ARNT2: variants seen among roughly 807,000 people sequenced by gnomAD.
The protein encoded by ARNT2 is ARNT protein 2.
ARNT2 carries 36 observed loss-of-function variants against 91.7 expected under a neutral mutation model. The observed-to-expected ratio is 0.39, with a 90% CI of 0.30 to 0.52. The LOEUF (loss-of-function observed/expected upper bound fraction) is 0.52. Among genes scored for constraint, ARNT2 ranks in the 20% least tolerant of loss-of-function variants. The pLI is 0.72. For synonymous variants in ARNT2, 365 were observed against 347.1 expected, an observed-to-expected ratio of 1.05 and a Z score of -0.57; for missense variants, 775 against 939.3, an observed-to-expected ratio of 0.83 and a Z score of 2.29.
intron 12 of ARNT2, among the ~76,000 whole-genome samples, chr15:80,568,509 G>A (rs1898527162): frequency 1.3e-5 from 2 of 152,204 alleles, no homozygotes; most frequent in Non-Finnish European, 2.9e-5. Context: ...CTCTCGAGCT[G>A]ACTCACCATC....
chr15:80,563,488 G>C (rs1898409032), intron 12 of ARNT2, among the ~76,000 whole-genome samples: 2 of 152,102 alleles, frequency 1.3e-5, no homozygotes, highest in South Asian at 4.2e-4. Flanking sequence ...CTTCCCTTCG[G>C]TGCAAGGTGC....
chr15:80,449,417 A>G (rs181663488), intron 1 of ARNT2, among the ~76,000 whole-genome samples: 2 of 152,306 alleles, frequency 1.3e-5, no homozygotes, highest in Admixed American at 1.3e-4. Context: ...AAGCAGGCAG[A>G]TGATAAAGTT....
At chr15:80,407,210 C>T (rs1895613690) in intron 1 of ARNT2, among the ~76,000 whole-genome samples, 1 of 152,212 alleles carries the variant, frequency 6.6e-6, no homozygotes, top group Admixed American at 6.5e-5. Context: ...AAGGCCACAG[C>T]CAGTCACCTC....
At chr15:80,483,023 C>G (rs1896912697) in intron 5 of ARNT2, among the ~76,000 whole-genome samples, 1 of 152,198 alleles carries the variant, frequency 6.6e-6, no homozygotes, top group Admixed American at 6.5e-5. Context: ...GTTGGGGAAT[C>G]TATGACTTTG....
In ARNT2 at chr15:80,435,770, A is replaced by G. The variant is rs1595960726; in HGVS notation, c.32-15110A>G. On this transcript the variant is annotated intron_variant, in intron 1 of 18. Coordinates refer to ENST00000303329, the MANE Select transcript of ARNT2 (RefSeq NM_014862.4). ...GCACCTGAATAATTGAGAACCTTGTATGTGCCTCTTAGGGCAGCACTCAGA... is the reference window on the plus strand; with the variant it reads ...GCACCTGAATAATTGAGAACCTTGTGTGTGCCTCTTAGGGCAGCACTCAGA... Among the ~76,000 whole-genome samples the G allele has an allele frequency of 5.3e-5, 8 of 152,316 alleles. No individual in the cohort carries two copies. The South Asian group carries it at 1.7e-3, about 32-fold the overall frequency.
intron 5 of ARNT2, among the ~76,000 whole-genome samples, chr15:80,482,496 A>G (rs1896905769): frequency 2.0e-5 from 3 of 152,172 alleles, no homozygotes; most frequent in Admixed American, 1.3e-4. Context: ...TCTCAGGGCC[A>G]CACACCTGAG....
At chr15:80,479,281 T>C (rs1022710660) in intron 5 of ARNT2, among the ~76,000 whole-genome samples, 3 of 152,196 alleles carry the variant, frequency 2.0e-5, no homozygotes, top group African/African-American at 4.8e-5. Flanking sequence ...ATGGTGGAGT[T>C]CTTTGTTGAA....
At chr15:80,501,407 A>G (rs1452680934) in intron 5 of ARNT2, among the ~76,000 whole-genome samples, 2 of 152,228 alleles carry the variant, frequency 1.3e-5, no homozygotes, top group Non-Finnish European at 2.9e-5. Flanking sequence ...CTGACCAGAA[A>G]CGCACCTAAA....
intron 12 of ARNT2, among the ~76,000 whole-genome samples, chr15:80,565,909 G>A (rs575764886): frequency 1.3e-5 from 2 of 152,030 alleles, no homozygotes; most frequent in African/African-American, 4.8e-5. Context: ...ATTAGATGAT[G>A]ACCTGCATTC....
chr15:80,462,933 T>TC (rs1344147866), intron 3 of ARNT2, among the ~76,000 whole-genome samples: 1 of 152,180 alleles, frequency 6.6e-6, no homozygotes, highest in Admixed American at 6.5e-5. Context: ...GTAGGCATTT[T>TC]CCCCCCTGGC....
intron 8 of ARNT2, among the ~76,000 whole-genome samples, chr15:80,540,381 A>C (rs1304688944): frequency 6.6e-6 from 1 of 152,058 alleles, no homozygotes; most frequent in South Asian, 2.1e-4. Context: ...CTCACTGTGG[A>C]ATTGATTTCT....
At chr15:80,423,715 G>A (rs1441088037) in intron 1 of ARNT2, among the ~76,000 whole-genome samples, 1 of 152,050 alleles carries the variant, frequency 6.6e-6, no homozygotes, top group Admixed American at 6.5e-5. Context: ...AATTTGTAGT[G>A]TGGTCAGTGA....
intron 1 of ARNT2, among the ~76,000 whole-genome samples, chr15:80,411,192 C>T (rs1421557380): frequency 2.0e-5 from 3 of 152,210 alleles, no homozygotes; most frequent in African/African-American, 7.2e-5. Context: ...TCTTCCAGGG[C>T]CCCATAAAGC....
At chr15:80,552,276 T>C (rs541069399) in intron 9 of ARNT2, among the ~76,000 whole-genome samples, 3 of 152,320 alleles carry the variant, frequency 2.0e-5, no homozygotes, top group African/African-American at 7.2e-5. Flanking sequence ...TTGCCATCCT[T>C]AGTAAAGGGA....
chr15:80,440,201 T>C (rs1404494939), intron 1 of ARNT2, among the ~76,000 whole-genome samples: 2 of 152,204 alleles, frequency 1.3e-5, no homozygotes. Context: ...CTTCTGATGG[T>C]CTGCGGCTTC....
chr15:80,549,858 G>A (rs765053228), intron 8 of ARNT2, among the ~76,000 whole-genome samples: 16 of 152,116 alleles, frequency 1.1e-4, no homozygotes, highest in Non-Finnish European at 1.9e-4. Flanking sequence ...GATCCACTCC[G>A]AAAACGCACT....
chr15:80,593,666 G>T lies in ARNT2; in HGVS notation c.2122G>T (p.Asp708Tyr). The change falls in exon 19 of 19, where the codon GAC becomes TAC. Residue 708 changes from aspartate to tyrosine, a missense_variant. Around this residue, in one of 5 missense-constraint regions of ARNT2, gnomAD observed 325 missense variants for 359.9 expected, o/e 0.90. Transcript: ENST00000303329. ...CAACTATAACATCGAAGACTTTGCCGACCTGGGCATGTTTCCACCGTTTTC... is the reference window on the plus strand; with the variant it reads ...CAACTATAACATCGAAGACTTTGCCTACCTGGGCATGTTTCCACCGTTTTC... ...TGNYNIEDFA[D>Y]LGMFPPFSE The T allele has an allele frequency of 1.9e-6, 3 of 1,606,552 alleles. No homozygotes were observed. Among genetic ancestry groups the T allele is most frequent in the Non-Finnish European group, 2.6e-6 (3 of 1,175,754 alleles).
At chr15:80,443,024 A>G (rs1238441306) in intron 1 of ARNT2, 2 of 985,210 alleles carry the variant, frequency 2.0e-6, no homozygotes, top group South Asian at 4.7e-5. Context: ...GGAGAAGTCC[A>G]GGTACAGTAA....
At chr15:80,408,764 T>A (rs1895640702) in intron 1 of ARNT2, among the ~76,000 whole-genome samples, 1 of 151,408 alleles carries the variant, frequency 6.6e-6, no homozygotes, top group Non-Finnish European at 1.5e-5. Context: ...TATGGACTTA[T>A]AAGAAAAAAA....
Sources: gnomAD v4.1 joint callset for allele counts (sites outside exome capture counted in the v4.1 genomes callset) on GRCh38, gnomAD v4.1.1 for gene constraint, gnomAD v4.1.1 regional missense constraint, MANE v1.5 for transcripts, NCBI Gene and HGNC (gene_info 2026-07-23, HGNC 2026-07-21) for gene names.